HYAL4: variants seen among roughly 807,000 people sequenced by gnomAD.
HYAL4 encodes the protein hyaluronidase-4.
Under a neutral mutation model 35.2 loss-of-function variants are expected in HYAL4, and 37 were observed. That is an observed-to-expected ratio of 1.05 (90% CI 0.81 to 1.38). The LOEUF is 1.38. HYAL4 is among the 40% of genes most tolerant of loss of function. The pLI is 0.00. For synonymous variants in HYAL4, 198 were observed against 203.2 expected (o/e 0.97, Z 0.22); for missense variants, 572 against 572.4 (o/e 1.00, Z 0.01).
intron 2 of HYAL4, among the ~76,000 whole-genome samples, chr7:123,858,272 A>G (rs1359255991): frequency 6.6e-6 from 1 of 152,134 alleles, no homozygotes; most frequent in African/African-American, 2.4e-5. Flanking sequence ...ACATAATCCA[A>G]CCAGCTCTTT....
At chr7:123,803,401 A>G in the HYAL4 span, among the ~76,000 whole-genome samples, 179 of 152,300 alleles carry the variant, frequency 1.2e-3, 1 homozygote, top group African/African-American at 4.2e-3. Context: ...ATGTTTTAAT[A>G]CTTGTATACT....
chr7:123,842,697 T>A (rs532328607), upstream of HYAL4, among the ~76,000 whole-genome samples: 1 of 152,178 alleles, frequency 6.6e-6, no homozygotes, highest in East Asian at 1.9e-4. Context: ...TGGATGCATA[T>A]ATATTTAGGA....
the HYAL4 span, among the ~76,000 whole-genome samples, chr7:123,770,440 T>TAAAAAAAAAAA: frequency 5.1e-4 from 60 of 118,458 alleles, no homozygotes; most frequent in East Asian, 7.5e-3. Flanking sequence ...AGACTCCATC[T>TAAAAAAAAAAA]AAAAAAAAAA....
the HYAL4 span, among the ~76,000 whole-genome samples, chr7:123,819,736 A>G: frequency 6.6e-6 from 1 of 152,128 alleles, no homozygotes; most frequent in Non-Finnish European, 1.5e-5. Flanking sequence ...TCCATCTAAA[A>G]AATTAGACTA....
chr7:123,816,466 CAT>C, the HYAL4 span, among the ~76,000 whole-genome samples: 1 of 152,066 alleles, frequency 6.6e-6, no homozygotes, highest in African/African-American at 2.4e-5. Context: ...TCAGGAATTA[CAT>C]GTTATTAGTA....
chr7:123,844,509 A>G (rs1236703331), upstream of HYAL4, among the ~76,000 whole-genome samples: 2 of 152,098 alleles, frequency 1.3e-5, no homozygotes, highest in Non-Finnish European at 2.9e-5. Context: ...TGAGGAGGCA[A>G]TCTGTCCTTT....
At chr7:123,876,048 C>T in intron 4 of HYAL4, 1 of 456,600 alleles carries the variant, frequency 2.2e-6, no homozygotes, top group Non-Finnish European at 4.4e-6. Flanking sequence ...CACCCCAGTC[C>T]CTTGGTGGCT....
At chr7:123,776,630 G>C in the HYAL4 span, among the ~76,000 whole-genome samples, 2 of 152,072 alleles carry the variant, frequency 1.3e-5, no homozygotes, top group African/African-American at 2.4e-5. Flanking sequence ...GTTGCAGTTG[G>C]CTGCTCCCGA....
the HYAL4 span, among the ~76,000 whole-genome samples, chr7:123,822,665 G>A: frequency 6.6e-6 from 1 of 152,178 alleles, no homozygotes; most frequent in Non-Finnish European, 1.5e-5. Flanking sequence ...TTGAATAGAA[G>A]TGGTCAGAGT....
chr7:123,770,846 T>C, the HYAL4 span, among the ~76,000 whole-genome samples: 3 of 152,262 alleles, frequency 2.0e-5, no homozygotes, highest in Admixed American at 2.0e-4. Context: ...AGATTCTGTG[T>C]CTTATTATGA....
chr7:123,827,582 C>T (rs1805816604), upstream of HYAL4, among the ~76,000 whole-genome samples: 1 of 152,124 alleles, frequency 6.6e-6, no homozygotes, highest in South Asian at 2.1e-4. Context: ...CTAAAAACAG[C>T]ATGTGTTTCT....
chr7:123,876,483 T>C (rs1807027001), intron 4 of HYAL4, among the ~76,000 whole-genome samples: 1 of 152,176 alleles, frequency 6.6e-6, no homozygotes, highest in Non-Finnish European at 1.5e-5. Flanking sequence ...CTGGGGGCTA[T>C]TTGCAAGTTC....
chr7:123,768,851 G>A, the HYAL4 span, among the ~76,000 whole-genome samples: 4 of 151,984 alleles, frequency 2.6e-5, no homozygotes, highest in Admixed American at 1.3e-4. Flanking sequence ...ACTTTTTTTT[G>A]CTATGATTCC....
chr7:123,828,351 T>C (rs947533026), upstream of HYAL4, among the ~76,000 whole-genome samples: 22 of 151,574 alleles, frequency 1.5e-4, no homozygotes, highest in African/African-American at 4.4e-4. Context: ...AAAAGCAAAT[T>C]GCAGAAATAT....
the HYAL4 span, among the ~76,000 whole-genome samples, chr7:123,768,931 T>C: frequency 6.6e-6 from 1 of 152,258 alleles, no homozygotes; most frequent in Non-Finnish European, 1.5e-5. Flanking sequence ...CCTTTTTGTA[T>C]GCCACAGTCT....
At chr7:123,811,944 T>G in the HYAL4 span, among the ~76,000 whole-genome samples, 3 of 152,032 alleles carry the variant, frequency 2.0e-5, no homozygotes, top group Non-Finnish European at 4.4e-5. Context: ...CAGGTTCAAG[T>G]GATTCTCCTG....
chr7:123,780,046 A>G, the HYAL4 span, among the ~76,000 whole-genome samples: 10 of 152,166 alleles, frequency 6.6e-5, no homozygotes, highest in African/African-American at 2.4e-4. Flanking sequence ...TGTAGGCTCT[A>G]AAATCAGTTA....
At chr7:123,863,582 GTGATTGGGTAAA>G (rs1467941953) in intron 2 of HYAL4, among the ~76,000 whole-genome samples, 6 of 152,302 alleles carry the variant, frequency 3.9e-5, no homozygotes, top group Middle Eastern at 6.8e-3. Flanking sequence ...AGGCGTTCCT[GTGATTGGGTAAA>G]GAATAGCAGT....
chr7:123,842,283 C>G (rs1806086360), upstream of HYAL4, among the ~76,000 whole-genome samples: 1 of 151,992 alleles, frequency 6.6e-6, no homozygotes, highest in Admixed American at 6.6e-5. Context: ...GAAAGTTGTT[C>G]AGTTTCCATG....
Sources: allele counts gnomAD v4.1 joint callset (sites outside exome capture counted in the v4.1 genomes callset), GRCh38; gene constraint gnomAD v4.1.1; transcripts MANE v1.5; gene names NCBI Gene and HGNC (gene_info 2026-07-23, HGNC 2026-07-21).